Variants in PLIN2 observed in about 807,000 individuals in gnomAD.
PLIN2 encodes perilipin-2.
PLIN2 carries 33 observed loss-of-function variants against 30.6 expected under a neutral mutation model. That is an observed-to-expected ratio of 1.08 (90% CI 0.82 to 1.44). PLIN2 has a LOEUF of 1.44. Ranked by LOEUF, PLIN2 falls within the 40% of genes most tolerant of loss-of-function variation. The pLI is 0.00. For synonymous variants in PLIN2, 205 were observed against 201.1 expected (o/e 1.02, Z -0.16); for missense variants, 610 against 531.8 (o/e 1.15, Z -1.45).
intron 6 of PLIN2, 137 bp from the exon 7 acceptor site, chr9:19,118,592 A>G: frequency 1.5e-6 from 1 of 651,762 alleles, no homozygotes; most frequent in Non-Finnish European, 2.5e-6. Context: ...TCCTGCTATC[A>G]TTATTATTTA....
At chr9:19,121,507 A>G (rs914596657) in intron 4 of PLIN2, among the ~76,000 whole-genome samples, 10 of 150,408 alleles carry the variant, frequency 6.6e-5, no homozygotes, top group African/African-American at 1.5e-4. Context: ...AAAAAAAAAA[A>G]AGAGAAGAGA....
rs1317200065 is a variant in PLIN2, at chr9:19,116,541, C to G, written c.1021G>C (p.Asp341His). 2 of 1,614,154 alleles carry G rather than the reference C, an allele frequency of 1.2e-6. No homozygotes were observed. The highest frequency in any genetic ancestry group is 4.5e-5 in the East Asian group (2 of 44,890). ...NIQGVPQNIQ[D>H]QAKHMGVMAG... ...ATCACCCCCATGTGCTTGGCTTGAT[C>G]TTGGATGTTCTGTGGTACACCTTGG... is the stretch of plus-strand genomic sequence containing the variant. The change falls in exon 8 of 8, where the codon GAT becomes CAT. Residue 341 changes from aspartate (D) to histidine (H), a missense_variant. By Grantham distance (81) the Asp-to-His change is moderately conservative. Transcript: ENST00000276914.
rs1206165236 is a variant in PLIN2 at position 19,115,831 on chromosome 9, A to G, written c.*417T>C. The G allele has an allele frequency of 6.3e-6, 1 of 158,812 alleles. No individual in the cohort carries two copies. Among genetic ancestry groups the G allele is most frequent in the Middle Eastern group, 3.0e-3 (1 of 328 alleles). 9.8% of individuals were successfully genotyped at this position (158,812 alleles called of 1,614,324 possible). ...ATTCCTATTTGAGAAATGAAAAACTAAAATCAAGTTTTACAAGCAAGCATC... is the reference window on the plus strand; with the variant it reads ...ATTCCTATTTGAGAAATGAAAAACTGAAATCAAGTTTTACAAGCAAGCATC... On this transcript the variant is annotated 3_prime_UTR_variant, in exon 8 of 8. Transcript: ENST00000276914.
intron 7 of PLIN2, 55 bp from the exon 8 acceptor site, chr9:19,116,704 G>C: frequency 6.7e-7 from 1 of 1,488,792 alleles, no homozygotes. Context: ...GTATAAATTA[G>C]TTCGATGACA....
intron 4 of PLIN2, 103 bp from the exon 5 acceptor site, chr9:19,121,268 A>G (rs1818311138): frequency 2.0e-6 from 2 of 998,262 alleles, no homozygotes. Flanking sequence ...TAAAGAAGGA[A>G]TCTAGTCCTC....
At chr9:19,122,108 CAAAAAA>C (rs59357707) in intron 4 of PLIN2, among the ~76,000 whole-genome samples, 1 of 63,308 alleles carries the variant, frequency 1.6e-5, no homozygotes, top group East Asian at 5.6e-4. Context: ...GACTCTGTCT[CAAAAAA>C]AAAAAAAAAA....
intron 2 of PLIN2, among the ~76,000 whole-genome samples, chr9:19,109,721 AC>A (rs1159648599): frequency 6.6e-6 from 1 of 151,902 alleles, no homozygotes; most frequent in Non-Finnish European, 1.5e-5. Flanking sequence ...TAATCCCAAC[AC>A]TTTGGCAGGT....
intron 2 of PLIN2, among the ~76,000 whole-genome samples, chr9:19,109,004 G>A (rs1362635589): frequency 6.6e-6 from 1 of 152,092 alleles, no homozygotes; most frequent in Admixed American, 6.6e-5. Flanking sequence ...CAGATATAAA[G>A]CATTTTTTGT....
At chr9:19,126,471 A>G (rs1347444884) in intron 1 of PLIN2, 23 bp from the exon 2 acceptor site, 92 of 1,473,316 alleles carry the variant, frequency 6.2e-5, no homozygotes, top group Non-Finnish European at 8.4e-5. Context: ...GACTTATTTC[A>G]GAACACCGGG....
Position 19,121,374 on chromosome 9 carries a change from T to C in PLIN2, c.310-209A>G, listed in dbSNP as rs180774841. ...TGCCCTACCTGCCAATCCTTGGGAA[T>C]TGCAGGAGGAGCAAATGAAGTAAAC... On this transcript the variant is annotated intron_variant, in intron 4 of 7. Transcript: ENST00000276914. Among the ~76,000 whole-genome samples the C allele has an allele frequency of 2.1e-3, 324 of 152,036 alleles. 2 individuals carry two copies. Among genetic ancestry groups the C allele is most frequent in the Admixed American group, 1.8e-3 (28 of 15,258 alleles).
At position 19,120,989 on chromosome 9, in the gene PLIN2, T is replaced by C. The variant is rs1381263616; in HGVS notation, c.486A>G (p.Thr162=). The change falls in exon 5 of 8, where the codon ACA becomes ACG. Residue 162 remains threonine (T), a synonymous_variant. Transcript: ENST00000276914. ...TKSVVSGSIN[T]VLGSRMMQLV... ...GCTGCATCATCCGACTCCCCAAGAC[T>C]GTGTTAATGCTGCCACTGACCACAG... 5 of 1,614,074 alleles carry C rather than the reference T, an allele frequency of 3.1e-6. No homozygotes were observed. The highest frequency in any genetic ancestry group is 4.2e-6 in the Non-Finnish European group (5 of 1,180,034).
intron 3 of PLIN2, chr9:19,125,803 G>T (rs1254434643): frequency 1.8e-5 from 4 of 226,772 alleles, no homozygotes; most frequent in African/African-American, 2.3e-5. Context: ...GGAGCCTGTA[G>T]TCCCAGCTAC....
At chr9:19,113,694 C>T (rs945426536), downstream of PLIN2, among the ~76,000 whole-genome samples, 1 of 151,700 alleles carries the variant, frequency 6.6e-6, no homozygotes, top group African/African-American at 2.4e-5. Flanking sequence ...TGTGCCTCAG[C>T]CCCCAAGTAG....
At position 19,126,109 on chromosome 9, in the gene PLIN2, C is replaced by A; in HGVS notation, c.226+5G>T. On this transcript the variant is annotated splice_donor_5th_base_variant and intron_variant, in intron 3 of 7. Coordinates refer to ENST00000276914, the MANE Select transcript of PLIN2 (RefSeq NM_001122.4). ...TGACTTGCATCTTGAAAAATCAGAA[C>A]TCACTTTGCGGCTCTAGCTTCTGGA... is the stretch of plus-strand genomic sequence containing the variant. 6.2e-7 allele frequency: 1 copy of A among 1,612,198 alleles called. No homozygotes were observed. The highest frequency in any genetic ancestry group is 8.5e-7 in the Non-Finnish European group (1 of 1,178,556).
chr9:19,118,364 C>A lies in PLIN2; in HGVS notation c.869G>T (p.Arg290Met), dbSNP rs375075126. 2.4e-5 allele frequency: 39 copies of A among 1,613,666 alleles called. No individual in the cohort carries two copies. The highest frequency in any genetic ancestry group is 3.3e-5 in the Non-Finnish European group (39 of 1,179,770). The part of the protein sequence containing the change: ...KLYLSWVEWK[R>M]SIGYDDTDES... Reference sequence around the variant, plus strand: ...ATCAGTATCATCATATCCAATGCTCCTTTTCCACTCTACCCATGAGAGGTA... The same window carrying A: ...ATCAGTATCATCATATCCAATGCTCATTTTCCACTCTACCCATGAGAGGTA... Residue 290 changes from arginine (R) to methionine (M), a missense_variant, in exon 7 of 8, where the codon AGG (arginine) becomes ATG (methionine). Physicochemically the swap from Arg to Met is moderately conservative, Grantham distance 91 (BLOSUM62 -1). Coordinates refer to ENST00000276914, the MANE Select transcript of PLIN2 (RefSeq NM_001122.4).
downstream of PLIN2, among the ~76,000 whole-genome samples, chr9:19,113,773 G>GTTTTTTTT (rs753031655): frequency 2.1e-5 from 3 of 143,698 alleles, 1 homozygote; most frequent in African/African-American, 2.6e-5. Flanking sequence ...TGTTATTTTT[G>GTTTTTTTT]GTTTTTTTTT....
exon 3 of PLIN2, chr9:19,108,554 G>C (rs1818120930): frequency 6.6e-6 from 1 of 152,602 alleles, no homozygotes; most frequent in Non-Finnish European, 1.5e-5. Context: ...ATAAAAACAG[G>C]AAGTTTAATG....
At chr9:19,125,904 TAG>T (rs1379262432) in intron 3 of PLIN2, 2 of 461,334 alleles carry the variant, frequency 4.3e-6, no homozygotes, top group Non-Finnish European at 7.6e-6. Context: ...GCCTGAGTGA[TAG>T]AGTGAGACTC....
At chr9:19,114,504 A>G (rs113856623), downstream of PLIN2, among the ~76,000 whole-genome samples, 2 of 151,958 alleles carry the variant, frequency 1.3e-5, no homozygotes, top group Admixed American at 1.3e-4. Flanking sequence ...TCCCAGACGC[A>G]GGGGATTCTC....
Sources: gnomAD v4.1 joint callset for allele counts (sites outside exome capture counted in the v4.1 genomes callset) on GRCh38, gnomAD v4.1.1 for gene constraint, MANE v1.5 for transcripts, NCBI Gene and HGNC (gene_info 2026-07-23, HGNC 2026-07-21) for gene names.